Variants in CALD1 observed in about 807,000 individuals in gnomAD.
The protein encoded by CALD1 is caldesmon 1.
In CALD1, 33 loss-of-function variants were observed where a neutral mutation model predicts 99.9. The observed-to-expected ratio is 0.33, with a 90% CI of 0.25 to 0.44. The LOEUF (loss-of-function observed/expected upper bound fraction) is 0.44, where lower values mean the gene tolerates loss of function less well. CALD1 is among the 20% of genes least tolerant of loss of function. CALD1 has a pLI of 1.00. For synonymous variants in CALD1, 310 were observed against 325.0 expected (o/e 0.95, Z 0.50); for missense variants, 861 against 962.1 (o/e 0.89, Z 1.39).
In CALD1 at chr7:134,965,378, C is replaced by T. The variant is rs752092149; in HGVS notation, c.2368C>T (p.Pro790Ser). The T allele has an allele frequency of 1.3e-6, 2 of 1,497,512 alleles. No individual in the cohort carries two copies. Among genetic ancestry groups the T allele is most frequent in the Non-Finnish European group, 1.9e-6 (2 of 1,073,664 alleles). 92.8% of individuals were successfully genotyped at this position (1,497,512 alleles called of 1,614,324 possible). A position where few individuals can be genotyped will look rare whatever the true frequency, so the allele number is the denominator to read the frequency against. Residue 790 changes from proline (P) to serine (S), a missense_variant, in exon 14 of 15, where the codon CCC becomes TCC. This residue lies in a region of CALD1 where 190 missense variants were observed against 249.0 expected (regional missense o/e 0.76). Transcript: ENST00000361675. ...EKQSVDKVTS[P>S]TKV ...GCAATCTGTGGATAAGGTCACTTCC[C>T]CCACTAAGGTAATCTATTGGGAAGA...
At chr7:134,821,923 A>G (rs976026821) in intron 1 of CALD1, 4 of 152,130 alleles carry the variant, frequency 2.6e-5, no homozygotes, top group African/African-American at 7.2e-5. Flanking sequence ...ATGTTTATAG[A>G]GAGAGATAGT....
intron 1 of CALD1, among the ~76,000 whole-genome samples, chr7:134,787,881 C>G (rs560144153): frequency 2.0e-5 from 3 of 152,192 alleles, no homozygotes; most frequent in Non-Finnish European, 2.9e-5. Context: ...TACCCATGCT[C>G]TTCGGTTTAG....
Position 134,958,290 on chromosome 7 carries a change from G to A in CALD1, c.2061G>A (p.Glu687=), listed in dbSNP as rs1563133362. The change falls in exon 11 of 15, where the codon GAG becomes GAA. Residue 687 remains glutamate, a splice_region_variant and synonymous_variant. Transcript: ENST00000361675. ...SRLEQYTSAI[E]GTKSAKPTKP... ...TGGAGCAGTATACCAGTGCAATTGAGGTGAGAATTGTCCTCAGCGTTATGG... is the reference window on the plus strand; with the variant it reads ...TGGAGCAGTATACCAGTGCAATTGAAGTGAGAATTGTCCTCAGCGTTATGG... The A allele has an allele frequency of 6.2e-7, 1 of 1,611,876 alleles. No homozygotes were observed. Among genetic ancestry groups the A allele is most frequent in the Non-Finnish European group, 8.5e-7 (1 of 1,178,100 alleles).
intron 3 of CALD1, among the ~76,000 whole-genome samples, chr7:134,875,886 T>C (rs1164928340): frequency 6.6e-6 from 1 of 152,192 alleles, no homozygotes; most frequent in Non-Finnish European, 1.5e-5. Context: ...ACAGAGAAGA[T>C]CGAGTTTCCC....
At chr7:134,885,658 T>C (rs1801819724) in intron 3 of CALD1, among the ~76,000 whole-genome samples, 1 of 152,208 alleles carries the variant, frequency 6.6e-6, no homozygotes, top group African/African-American at 2.4e-5. Flanking sequence ...CTTTGAAGAT[T>C]TGACCTTTTC....
intron 3 of CALD1, among the ~76,000 whole-genome samples, chr7:134,919,377 C>T (rs1804448564): frequency 6.6e-6 from 1 of 152,122 alleles, no homozygotes; most frequent in Non-Finnish European, 1.5e-5. Flanking sequence ...TATGTGTAGA[C>T]ACAAGAAGAG....
chr7:134,926,453 T>C (rs763452367), intron 3 of CALD1, among the ~76,000 whole-genome samples: 28 of 152,342 alleles, frequency 1.8e-4, no homozygotes, highest in Non-Finnish European at 3.4e-4. Context: ...ACATTTTATT[T>C]GTATTGGCTT....
At chr7:134,719,302 C>A in the CALD1 span, among the ~76,000 whole-genome samples, 12 of 152,030 alleles carry the variant, frequency 7.9e-5, 1 homozygote, top group South Asian at 2.3e-3. Flanking sequence ...AGAGGAGAGA[C>A]AAAAAGGGAT....
chr7:134,826,989 C>G (rs1305975859), intron 1 of CALD1, among the ~76,000 whole-genome samples: 1 of 152,218 alleles, frequency 6.6e-6, no homozygotes, highest in Non-Finnish European at 1.5e-5. Context: ...ATGCAGCCCA[C>G]ACTGGATCAC....
chr7:134,728,467 A>C, the CALD1 span, among the ~76,000 whole-genome samples: 11 of 152,344 alleles, frequency 7.2e-5, no homozygotes, highest in African/African-American at 2.4e-4. Flanking sequence ...TAACTGGCCG[A>C]AACTCAGTGA....
the CALD1 span, among the ~76,000 whole-genome samples, chr7:134,711,660 C>CTCTCTCTCTCTCTATATA: frequency 7.7e-5 from 6 of 78,342 alleles, no homozygotes; most frequent in African/African-American, 3.1e-4. Flanking sequence ...CTCTCTCTCT[C>CTCTCTCTCTCTCTATATA]TATATATATA....
chr7:134,935,972 T>C (rs552573839), intron 6 of CALD1, among the ~76,000 whole-genome samples: 1 of 152,262 alleles, frequency 6.6e-6, no homozygotes, highest in East Asian at 1.9e-4. Context: ...AAAAATGAAA[T>C]GGATAGAAGC....
Position 134,904,256 on chromosome 7 carries a change from G to A in CALD1, c.72-24498G>A, listed in dbSNP as rs137900274. On this transcript the variant is annotated intron_variant, in intron 3 of 14. Coordinates refer to ENST00000361675, the MANE Select transcript of CALD1 (RefSeq NM_033138.4). The stretch of plus-strand genomic sequence containing the variant: ...TAAATAAATAAATAAATAAATAAAA[G>A]CAATAAGTGGGATAATTATTGAATA... 4.5e-3 allele frequency among the ~76,000 whole-genome samples: 677 copies of A among 151,564 alleles called. 12 individuals carry two copies. The highest frequency in any genetic ancestry group is 0.016 in the African/African-American group (651 of 41,106).
chr7:134,834,558 C>T (rs947243891), intron 1 of CALD1, among the ~76,000 whole-genome samples: 3 of 152,202 alleles, frequency 2.0e-5, no homozygotes, highest in Non-Finnish European at 2.9e-5. Context: ...CCTCTCTAGG[C>T]CTTTCTAGGT....
At chr7:134,943,433 T>C (rs996436931) in intron 7 of CALD1, among the ~76,000 whole-genome samples, 4 of 152,216 alleles carry the variant, frequency 2.6e-5, no homozygotes, top group South Asian at 2.1e-4. Context: ...GCATAGCTGC[T>C]TATGTGTGAT....
At position 134,955,904 on chromosome 7, in the gene CALD1, A is replaced by AGATG. The variant is rs1190377584; in HGVS notation, c.1936-2150_1936-2147dup. On this transcript the variant is annotated intron_variant, in intron 9 of 14. Transcript: ENST00000361675. ...ATAAAAATAGGATAGATGGATGGATAGATGGATGGATGGATGGACGGACGG... is the reference window on the plus strand; with the variant it reads ...ATAAAAATAGGATAGATGGATGGATAGATGGATGGATGGATGGATGGACGGACGG... Among the ~76,000 whole-genome samples, 18 of 152,242 alleles carry AGATG rather than the reference A, an allele frequency of 1.2e-4. No individual in the cohort carries two copies. In the East Asian group the frequency reaches 2.5e-3, roughly 21 times the overall value.
At chr7:134,922,842 C>T (rs537697027) in intron 3 of CALD1, among the ~76,000 whole-genome samples, 1 of 152,316 alleles carries the variant, frequency 6.6e-6, no homozygotes, top group East Asian at 1.9e-4. Context: ...TACACTGAGG[C>T]AGCAAGGCCT....
intron 1 of CALD1, among the ~76,000 whole-genome samples, chr7:134,784,527 A>C (rs1797232873): frequency 6.6e-6 from 1 of 152,238 alleles, no homozygotes; most frequent in Non-Finnish European, 1.5e-5. Context: ...GTGAGTAAAG[A>C]AGAAACAGCA....
At chr7:134,820,960 A>G (rs6467561) in intron 1 of CALD1, among the ~76,000 whole-genome samples, 82,194 of 148,054 alleles carry the variant, frequency 0.56, 23,661 homozygotes, top group East Asian at 0.95. Flanking sequence ...AGGAGAGGGG[A>G]GGAGAAAAAT....
Sources: gnomAD v4.1 joint callset for allele counts (sites outside exome capture counted in the v4.1 genomes callset) on GRCh38, gnomAD v4.1.1 for gene constraint, gnomAD v4.1.1 regional missense constraint, MANE v1.5 for transcripts, NCBI Gene and HGNC (gene_info 2026-07-23, HGNC 2026-07-21) for gene names.